The following FCHO1 variants were observed in gnomAD, a reference collection of about 807,000 sequenced individuals.
FCHO1 encodes FCH and mu domain containing endocytic adaptor 1.
A neutral mutation model predicts 114.4 loss-of-function variants in FCHO1; 45 were observed. That is an observed-to-expected ratio of 0.39 (90% CI 0.31 to 0.50). The LOEUF is 0.50. Ranked by LOEUF, FCHO1 falls within the 20% of genes least tolerant of loss-of-function variation. The pLI is 0.77. For synonymous variants in FCHO1, 480 were observed against 488.9 expected, an observed-to-expected ratio of 0.98 and a Z score of 0.24; for missense variants, 1,042 against 1,209.6, an observed-to-expected ratio of 0.86 and a Z score of 2.06.
chr19:17,778,274 G>T, intron 19 of FCHO1, 46 bp downstream of exon 19: 1 of 1,484,112 alleles, frequency 6.7e-7, no homozygotes, highest in Non-Finnish European at 9.4e-7. Context: ...GCCGGAGGGA[G>T]GTTGGGTGGG....
chr19:17,780,145 G>T (rs929234990), intron 20 of FCHO1, among the ~76,000 whole-genome samples: 1 of 150,540 alleles, frequency 6.6e-6, no homozygotes, highest in Admixed American at 6.8e-5. Context: ...ACCACAGAGT[G>T]GGGGCAGAAG....
chr19:17,782,096 G>C (rs996623361), intron 23 of FCHO1, among the ~76,000 whole-genome samples: 6 of 149,456 alleles, frequency 4.0e-5, no homozygotes, highest in African/African-American at 1.5e-4. Flanking sequence ...TGCAACCTCT[G>C]CCTCCCGGGT....
At chr19:17,783,506 A>G (rs138621255) in intron 24 of FCHO1, among the ~76,000 whole-genome samples, 2,075 of 151,540 alleles carry the variant, frequency 0.014, 48 homozygotes, top group African/African-American at 0.048. Flanking sequence ...GAGCTCAGGC[A>G]ATCCGCCCGC....
At chr19:17,752,148 A>G (rs1027150189) in intron 1 of FCHO1, 4 of 152,244 alleles carry the variant, frequency 2.6e-5, no homozygotes, top group Admixed American at 6.5e-5. Flanking sequence ...TTGGCCATCC[A>G]ATACAGCAGC....
chr19:17,784,626 G>T lies in FCHO1; in HGVS notation c.2227-99G>T. The T allele has an allele frequency of 8.8e-7, 1 of 1,131,586 alleles. No individual in the cohort carries two copies. The highest frequency in any genetic ancestry group is 2.4e-5 in the East Asian group (1 of 42,508). 70.1% of individuals were successfully genotyped at this position (1,131,586 alleles called of 1,614,324 possible). A position where few individuals can be genotyped will look rare whatever the true frequency, so the allele number is the denominator to read the frequency against. ...CCCTGTGACTGGACCCCCTTGGGGC[G>T]GTGCGTGCATCGCAGGGTCAAGGTG... On this transcript the variant is annotated intron_variant, in intron 25 of 28. Transcript: ENST00000596536. This position sits in a 1 kb window ranked among gnomAD's most constrained non-coding sequence, Gnocchi z 5.3.
chr19:17,769,890 G>T (rs12974232), intron 7 of FCHO1, among the ~76,000 whole-genome samples: 1 of 151,732 alleles, frequency 6.6e-6, no homozygotes, highest in Admixed American at 6.6e-5. Flanking sequence ...CAGGCCGGGC[G>T]TAGTGGCTCA....
Position 17,772,472 on chromosome 19 carries a change from G to C in FCHO1, c.610G>C (p.Glu204Gln), listed in dbSNP as rs1235241677. ...LDSALRFQAMEETHLRHMKAL... is the reference protein window; with the variant it reads ...LDSALRFQAMQETHLRHMKAL... ...CCTGCTTCAGCGCTTCCAAGCCATG[G>C]AGGAGACACACCTGAGGCACATGAA... Residue 204 changes from glutamate (E) to glutamine (Q), a missense_variant, in exon 10 of 29, where the codon GAG (glutamate) becomes CAG (glutamine). Physicochemically the swap from Glu to Gln is conservative, Grantham distance 29. Around this residue, in one of 3 missense-constraint regions of FCHO1, gnomAD observed 450 missense variants for 564.1 expected, o/e 0.80. Transcript: ENST00000596536. 1 of 1,614,014 alleles carries C rather than the reference G, an allele frequency of 6.2e-7. No homozygotes were observed. The highest frequency in any genetic ancestry group is 8.5e-7 in the Non-Finnish European group (1 of 1,180,002).
rs542800048 is a variant in FCHO1, at chr19:17,774,942, G to A, written c.921-114G>A. On this transcript the variant is annotated intron_variant, in intron 13 of 28. Transcript: ENST00000596536. ...CCCACCGCCTCTAGGGCTAGCTCAG[G>A]GCAGTATCACAGTCTGGGAGCTGCC... 107 of 1,192,568 alleles carry A rather than the reference G, an allele frequency of 9.0e-5. 1 individual carries two copies. The South Asian group carries it at 1.3e-3, about 15-fold the overall frequency. 73.9% of individuals were successfully genotyped at this position (1,192,568 alleles called of 1,614,324 possible).
Position 17,776,578 on chromosome 19 carries a change from G to C in FCHO1, c.1208-57G>C. The C allele has an allele frequency of 6.3e-7, 1 of 1,593,808 alleles. No homozygotes were observed. The highest frequency in any genetic ancestry group is 8.6e-7 in the Non-Finnish European group (1 of 1,161,800). Reference sequence around the variant, plus strand: ...GAGCCTCGGTCCCTTGGTCTGTGGAGTGGGGAGCATTGCAGGCAGGGTGAC... The same window carrying C: ...GAGCCTCGGTCCCTTGGTCTGTGGACTGGGGAGCATTGCAGGCAGGGTGAC... On this transcript the variant is annotated intron_variant, in intron 17 of 28. Transcript: ENST00000596536. The surrounding 1 kb of genome is among the most constrained non-coding windows in gnomAD (Gnocchi z 4.4).
rs1345333310 is a variant in FCHO1 at position 17,775,314 on chromosome 19, C to T, written c.946-142C>T. 1.1e-6 allele frequency: 1 copy of T among 912,444 alleles called. No individual in the cohort carries two copies. Among genetic ancestry groups the T allele is most frequent in the East Asian group, 2.4e-5 (1 of 41,470 alleles). The allele number at this position is 912,444 out of a possible 1,614,324, so 56.5% of individuals were successfully genotyped here. A position where few individuals can be genotyped will look rare whatever the true frequency, so the allele number is the denominator to read the frequency against. On this transcript the variant is annotated intron_variant, in intron 14 of 28. Coordinates refer to ENST00000596536, the MANE Select transcript of FCHO1 (RefSeq NM_015122.3). This position sits in a 1 kb window ranked among gnomAD's most constrained non-coding sequence, Gnocchi z 5.1. ...TGTCCCAGGAACCTGCCCACACACC[C>T]AGGGAAGACAGTCGTTGCCATCAGG...
At chr19:17,765,952 G>T (rs927743618) in intron 6 of FCHO1, among the ~76,000 whole-genome samples, 10 of 139,064 alleles carry the variant, frequency 7.2e-5, no homozygotes, top group Non-Finnish European at 3.0e-5. Context: ...GCAGTGGCGC[G>T]ATCTTGGCTC....
At position 17,776,062 on chromosome 19, in the gene FCHO1, C is replaced by A; in HGVS notation, c.1083C>A (p.Ile361=). ...AGCCCCGCAAGTTCTATGTGCACATCAAGCCTGCCCCGGCCCGGGCTCCAG... is the reference window on the plus strand; with the variant it reads ...AGCCCCGCAAGTTCTATGTGCACATAAAGCCTGCCCCGGCCCGGGCTCCAG... ...DEEPRKFYVH[I]KPAPARAPAC... The change falls in exon 16 of 29, where the codon ATC becomes ATA. Residue 361 remains isoleucine (I), a synonymous_variant. Coordinates refer to ENST00000596536, the MANE Select transcript of FCHO1 (RefSeq NM_015122.3). The surrounding 1 kb of genome is among the most constrained non-coding windows in gnomAD (Gnocchi z 4.4). 1 of 1,611,148 alleles carries A rather than the reference C, an allele frequency of 6.2e-7. No homozygotes were observed. Among genetic ancestry groups the A allele is most frequent in the South Asian group, 1.1e-5 (1 of 91,088 alleles).
rs1423044392 is a variant in FCHO1 at position 17,778,861 on chromosome 19, G to A, written c.1604G>A (p.Gly535Glu). Residue 535 changes from glycine (G) to glutamate (E), a missense_variant, in exon 20 of 29, where the codon GGG (glycine) becomes GAG (glutamate). Physicochemically the swap from Gly to Glu is moderately conservative, Grantham distance 98. Coordinates refer to ENST00000596536, the MANE Select transcript of FCHO1 (RefSeq NM_015122.3). ...QPLASSPGPW[G>E]LEALAGGDLM... is the part of the protein sequence containing the mutation. ...CTCGCCTCGTCTCCAGGCCCCTGGG[G>A]GCTGGAGGCCTTGGCCGGAGGAGGT... 5 of 1,567,168 alleles carry A rather than the reference G, an allele frequency of 3.2e-6. No individual in the cohort carries two copies. In the South Asian group the frequency reaches 5.7e-5, roughly 18 times the overall value.
At chr19:17,762,612 C>T in intron 4 of FCHO1, 150 bp from the exon 5 acceptor site, 1 of 717,026 alleles carries the variant, frequency 1.4e-6, no homozygotes, top group Non-Finnish European at 2.6e-6. Flanking sequence ...CCCTATGGCC[C>T]AGGGGAAATG....
rs1555727889 is a variant in FCHO1, at chr19:17,777,551, A to AAG, written c.1260-585_1260-584insGA. Reference sequence around the variant, plus strand: ...ACTCCGTCTCAAAAAAAAAAAAAAAAAAAAAAAAAAAGCAAATAAGTTAGA... The same window carrying AAG: ...ACTCCGTCTCAAAAAAAAAAAAAAAAAGAAAAAAAAAAAGCAAATAAGTTAGA... On this transcript the variant is annotated intron_variant, in intron 18 of 28. Coordinates refer to ENST00000596536, the MANE Select transcript of FCHO1 (RefSeq NM_015122.3). Among the ~76,000 whole-genome samples, 373 of 139,530 alleles carry AAG rather than the reference A, an allele frequency of 2.7e-3. 7 individuals are homozygous for AAG. Among genetic ancestry groups the AAG allele is most frequent in the African/African-American group, 9.5e-3 (363 of 38,276 alleles). 91.5% of individuals were successfully genotyped at this position (139,530 alleles called of 152,430 possible). A position where few individuals can be genotyped will look rare whatever the true frequency, so the allele number is the denominator to read the frequency against.
Position 17,772,469 on chromosome 19 carries a change from A to G in FCHO1, c.607A>G (p.Met203Val), listed in dbSNP as rs2091851924. The G allele has an allele frequency of 6.2e-7, 1 of 1,613,796 alleles. No homozygotes were observed. The highest frequency in any genetic ancestry group is 1.3e-5 in the African/African-American group (1 of 74,876). ...CCTCCTGCTTCAGCGCTTCCAAGCC[A>G]TGGAGGAGACACACCTGAGGCACAT... Reference protein sequence around the residue: ...MLDSALRFQAMEETHLRHMKA... With the variant: ...MLDSALRFQAVEETHLRHMKA... The change falls in exon 10 of 29, where the codon ATG becomes GTG. Residue 203 changes from methionine to valine, a missense_variant. Transcript: ENST00000596536.
chr19:17,778,353 GGTGGGCGGGGCCAGAGTGCGC>G, intron 19 of FCHO1, 125 bp downstream of exon 19: 4 of 873,110 alleles, frequency 4.6e-6, no homozygotes, highest in Non-Finnish European at 5.5e-6. Context: ...TCCGTGTAGG[GGTGGGCGGGGCCAGAGTGCGC>G]GTGGGAGGGG....
rs148695572 is a variant in FCHO1 at position 17,783,158 on chromosome 19, C to T, written c.2079C>T (p.Ala693=). ...TTAIEHFQPN[A]DLLFSDPSQS... ...CTATTGAGCACTTCCAGCCCAACGCCGATCTGCTGTTCAGGTACTATGGAG... is the reference window on the plus strand; with the variant it reads ...CTATTGAGCACTTCCAGCCCAACGCTGATCTGCTGTTCAGGTACTATGGAG... The change falls in exon 24 of 29, where the codon GCC becomes GCT. Residue 693 remains alanine, a synonymous_variant. Transcript: ENST00000596536. The T allele has an allele frequency of 4.3e-5, 69 of 1,614,010 alleles. No individual in the cohort carries two copies. The highest frequency in any genetic ancestry group is 1.2e-4 in the African/African-American group (9 of 74,922).
chr19:17,767,697 G>A (rs2089914480), intron 7 of FCHO1, among the ~76,000 whole-genome samples: 1 of 151,872 alleles, frequency 6.6e-6, no homozygotes, highest in African/African-American at 2.4e-5. Context: ...TCACATATCA[G>A]TGCCAGTAAA....
Sources: allele counts gnomAD v4.1 joint callset (sites outside exome capture counted in the v4.1 genomes callset), GRCh38; gene constraint gnomAD v4.1.1; regional missense constraint gnomAD v4.1.1; non-coding constraint Gnocchi (gnomAD v3.1); transcripts MANE v1.5; gene names NCBI Gene and HGNC (gene_info 2026-07-23, HGNC 2026-07-21).